MYOM1: variants seen among roughly 807,000 people sequenced by gnomAD.
The protein encoded by MYOM1 is myomesin-1.
MYOM1 carries 164 observed loss-of-function variants against 205.3 expected under a neutral mutation model. The ratio of observed to expected loss-of-function variants is 0.80; its 90% CI spans 0.70 to 0.91. MYOM1 has a LOEUF of 0.91. Among genes scored for constraint, MYOM1 ranks in the 40% least tolerant of loss-of-function variants. The probability of loss-of-function intolerance (pLI) is 0.00; values close to 1 mark genes in which losing one functional copy is unlikely to be tolerated. For synonymous variants in MYOM1, 772 were observed against 789.4 expected (o/e 0.98, Z 0.37); for missense variants, 2,011 against 2,127.3 (o/e 0.95, Z 1.08).
chr18:3,132,030 AT>A (rs1381761601), intron 16 of MYOM1, among the ~76,000 whole-genome samples: 3 of 126,152 alleles, frequency 2.4e-5, no homozygotes, highest in South Asian at 2.8e-4. Context: ...TATTAATATT[AT>A]TATATATATG....
chr18:3,184,257 A>G (rs2080779478), intron 5 of MYOM1, among the ~76,000 whole-genome samples: 1 of 152,184 alleles, frequency 6.6e-6, no homozygotes. Context: ...AATCCTATCC[A>G]GAAGTCAACT....
chr18:3,102,499 A>G lies in MYOM1; in HGVS notation c.3550T>C (p.Leu1184=), dbSNP rs2079392549. ...TTGTTGCCCTTGCTTTCGACTTCCA[A>G]TCGTGGAGAGTCCTCAGTGGATACA... The part of the protein sequence containing the change: ...DYVSTEDSPR[L]EVESKGNKTK... Residue 1184 remains leucine, a synonymous_variant, in exon 23 of 38, where the codon TTG becomes CTG. Coordinates refer to ENST00000356443, the MANE Select transcript of MYOM1 (RefSeq NM_003803.4). The G allele has an allele frequency of 8.7e-6, 14 of 1,612,820 alleles. No homozygotes were observed. The highest frequency in any genetic ancestry group is 1.1e-5 in the Non-Finnish European group (13 of 1,179,418).
At chr18:3,136,210 T>C (rs1415306582) in intron 14 of MYOM1, among the ~76,000 whole-genome samples, 1 of 152,126 alleles carries the variant, frequency 6.6e-6, no homozygotes, top group Non-Finnish European at 1.5e-5. Context: ...TGTGAGTCCA[T>C]TAAACCTCTT....
At chr18:3,245,821 C>G in the MYOM1 span, 1 of 152,330 alleles carries the variant, frequency 6.6e-6, no homozygotes, top group South Asian at 2.1e-4. Context: ...AGTTCCCAGA[C>G]AAGTTTACGC....
In MYOM1 at chr18:3,168,822, C is replaced by A. The variant is rs558801546; in HGVS notation, c.1334G>T (p.Arg445Ile). 50 of 1,613,874 alleles carry A rather than the reference C, an allele frequency of 3.1e-5. 1 individual carries two copies. In the South Asian group the frequency reaches 4.6e-4, roughly 15 times the overall value. The change falls in exon 9 of 38, where the codon AGA becomes ATA. Residue 445 changes from arginine (R) to isoleucine (I), a missense_variant. Physicochemically the swap from Arg to Ile is moderately conservative, Grantham distance 97 (BLOSUM62 -3). Transcript: ENST00000356443. ...KHFQPEIQWY[R>I]NGVPLSPSKW... ...CATTCATTGTAAAGACTCACCGTTTCTGTACCACTGGATCTCTGGCTGGAA... is the reference window on the plus strand; with the variant it reads ...CATTCATTGTAAAGACTCACCGTTTATGTACCACTGGATCTCTGGCTGGAA...
intron 29 of MYOM1, among the ~76,000 whole-genome samples, chr18:3,088,820 A>G (rs1202161915): frequency 1.3e-5 from 2 of 152,226 alleles, no homozygotes; most frequent in African/African-American, 4.8e-5. Context: ...GGCAAGGTCC[A>G]CGAAACATTG....
chr18:3,078,747 A>G (rs1206436369), intron 34 of MYOM1, among the ~76,000 whole-genome samples: 6 of 152,160 alleles, frequency 3.9e-5, no homozygotes, highest in Non-Finnish European at 2.9e-5. Flanking sequence ...TATTTTTGTA[A>G]GAAAGAATAA....
At chr18:3,117,613 T>C (rs150356265) in intron 20 of MYOM1, among the ~76,000 whole-genome samples, 3 of 152,352 alleles carry the variant, frequency 2.0e-5, no homozygotes, top group African/African-American at 7.2e-5. Flanking sequence ...TATCTTTGCA[T>C]GACCACCAGC....
intron 13 of MYOM1, among the ~76,000 whole-genome samples, chr18:3,148,449 G>A (rs991216329): frequency 2.0e-5 from 3 of 152,184 alleles, no homozygotes; most frequent in Non-Finnish European, 2.9e-5. Flanking sequence ...AACTACAGTG[G>A]CAGAAAGCAG....
Position 3,142,079 on chromosome 18 carries a change from G to GA in MYOM1, c.1901-17dup. The GA allele has an allele frequency of 6.2e-7, 1 of 1,611,144 alleles. No homozygotes were observed. Among genetic ancestry groups the GA allele is most frequent in the East Asian group, 2.2e-5 (1 of 44,820 alleles). On this transcript the variant is annotated splice_polypyrimidine_tract_variant and intron_variant, in intron 13 of 37. Coordinates refer to ENST00000356443, the MANE Select transcript of MYOM1 (RefSeq NM_003803.4). ...ACAATACCCTCTGAAAAACAACAAG[G>GA]AAAAATGAGAAGCACACATTCTGGG...
chr18:3,071,606 G>A (rs553488441), intron 37 of MYOM1, among the ~76,000 whole-genome samples: 5 of 152,154 alleles, frequency 3.3e-5, no homozygotes, highest in Admixed American at 6.5e-5. Flanking sequence ...TGATCCGCCC[G>A]CCTCAGCCTC....
In MYOM1 at chr18:3,181,074, G is replaced by A. The variant is rs566878988; in HGVS notation, c.930-4940C>T. Among the ~76,000 whole-genome samples the A allele has an allele frequency of 4.3e-4, 65 of 152,164 alleles. 1 individual carries two copies. The highest frequency in any genetic ancestry group is 3.5e-3 in the South Asian group (17 of 4,816). ...CCCAAGTAGCTGGGACTATAGGAGC[G>A]TGCCACCACGTCCAGCTACTTTTTG... On this transcript the variant is annotated intron_variant, in intron 5 of 37. Coordinates refer to ENST00000356443, the MANE Select transcript of MYOM1 (RefSeq NM_003803.4).
intron 2 of MYOM1, among the ~76,000 whole-genome samples, chr18:3,200,372 GT>G (rs1442858653): frequency 1.3e-5 from 2 of 152,140 alleles, no homozygotes; most frequent in African/African-American, 4.8e-5. Context: ...GAAAATAGTA[GT>G]AAGCAAAAAT....
rs2079943803 is a variant in MYOM1 at position 3,135,538 on chromosome 18, G to T, written c.2209+9C>A. The T allele has an allele frequency of 1.2e-6, 2 of 1,610,442 alleles. No homozygotes were observed. The highest frequency in any genetic ancestry group is 1.7e-6 in the Non-Finnish European group (2 of 1,177,844). On this transcript the variant is annotated intron_variant, in intron 15 of 37. Transcript: ENST00000356443. The surrounding 1 kb of genome is among the most constrained non-coding windows in gnomAD (Gnocchi z 4.1). ...TCTCTTGAAGTAAAAGAAGTTTACA[G>T]TTGCTTACCAAGTTTGTCCCCTACC...
chr18:3,227,439 C>G, the MYOM1 span, among the ~76,000 whole-genome samples: 19 of 152,022 alleles, frequency 1.2e-4, no homozygotes, highest in Non-Finnish European at 2.4e-4. Context: ...GAAAGCAGAA[C>G]AGTGGTTGCC....
At position 3,080,673 on chromosome 18, in the gene MYOM1, C is replaced by CA. The variant is rs11361871; in HGVS notation, c.4485-1332dup. ...TGGGTGACAAAGTGAGGCTCCATCTCAAAAAAAAAAAAATTTCCTACCTAA... is the reference window on the plus strand; with the variant it reads ...TGGGTGACAAAGTGAGGCTCCATCTCAAAAAAAAAAAAAATTTCCTACCTAA... On this transcript the variant is annotated intron_variant, in intron 33 of 37. Transcript: ENST00000356443. Among the ~76,000 whole-genome samples the CA allele has an allele frequency of 1.2e-3, 158 of 135,362 alleles. 2 individuals carry two copies. Among genetic ancestry groups the CA allele is most frequent in the Middle Eastern group, 8.3e-3 (2 of 242 alleles). The allele number at this position is 135,362 out of a possible 152,430, so 88.8% of individuals were successfully genotyped here.
At chr18:3,211,479 A>C (rs931764442) in intron 2 of MYOM1, among the ~76,000 whole-genome samples, 3 of 152,232 alleles carry the variant, frequency 2.0e-5, no homozygotes, top group Non-Finnish European at 4.4e-5. Flanking sequence ...CCAAGACTCT[A>C]CTGAAACCAT....
intron 5 of MYOM1, among the ~76,000 whole-genome samples, chr18:3,183,326 C>T (rs2080766029): frequency 6.6e-6 from 1 of 152,204 alleles, no homozygotes; most frequent in Non-Finnish European, 1.5e-5. Context: ...TGTCTCTGCA[C>T]CTGACTTTAA....
intron 9 of MYOM1, 47 bp downstream of exon 9, chr18:3,168,770 C>T (rs764098503): frequency 5.6e-6 from 9 of 1,601,606 alleles, no homozygotes; most frequent in Non-Finnish European, 7.7e-6. Flanking sequence ...ATCTGGTCTA[C>T]AACCTTCGAA....
Sources: gnomAD v4.1 joint callset for allele counts (sites outside exome capture counted in the v4.1 genomes callset) on GRCh38, gnomAD v4.1.1 for gene constraint, Gnocchi (gnomAD v3.1) non-coding constraint, MANE v1.5 for transcripts, NCBI Gene and HGNC (gene_info 2026-07-23, HGNC 2026-07-21) for gene names.